Variants in RFFL observed in about 807,000 individuals in gnomAD.
The protein encoded by RFFL is E3 ubiquitin-protein ligase rififylin.
RFFL carries 16 observed loss-of-function variants against 40.4 expected under a neutral mutation model. That is an observed-to-expected ratio of 0.40 (90% CI 0.27 to 0.60). RFFL has a LOEUF of 0.60. Among genes scored for constraint, RFFL ranks in the 20% least tolerant of loss-of-function variants. The probability of loss-of-function intolerance (pLI) is 0.47; values close to 1 mark genes in which losing one functional copy is unlikely to be tolerated. For synonymous variants in RFFL, 154 were observed against 167.9 expected (o/e 0.92, Z 0.64); for missense variants, 367 against 451.7 (o/e 0.81, Z 1.70).
intron 1 of RFFL, among the ~76,000 whole-genome samples, chr17:35,085,368 A>G (rs2091424231): frequency 6.6e-6 from 1 of 152,228 alleles, no homozygotes; most frequent in African/African-American, 2.4e-5. Flanking sequence ...AGAGCAGGAA[A>G]AAACAGCTTT....
chr17:35,059,310 C>A (rs142272491), intron 1 of RFFL, among the ~76,000 whole-genome samples: 2 of 152,062 alleles, frequency 1.3e-5, no homozygotes, highest in Non-Finnish European at 2.9e-5. Context: ...TGAGCCACTG[C>A]GCTCGGCCAC....
chr17:35,014,959 G>A (rs889452324), intron 5 of RFFL, among the ~76,000 whole-genome samples, 196 bp from the exon 6 acceptor site: 1 of 152,060 alleles, frequency 6.6e-6, no homozygotes, highest in African/African-American at 2.4e-5. Context: ...TCGTGCATCT[G>A]GTCTACTTTT....
intron 1 of RFFL, among the ~76,000 whole-genome samples, chr17:35,072,566 T>TAC (rs138372161): frequency 0.022 from 3,267 of 147,304 alleles, 31 homozygotes; most frequent in African/African-American, 0.033. Flanking sequence ...AGCAGAAAAC[T>TAC]ACACACACAC....
Position 35,055,693 on chromosome 17 carries a change from C to A in RFFL, c.-9+7883G>T, listed in dbSNP as rs368705924. ...TCTCAAAAAAAAACAAACAAACAAA[C>A]AAACAAAAAAAAAACATTAATCAGG... On this transcript the variant is annotated intron_variant, in intron 1 of 6. Coordinates refer to ENST00000394597, the MANE Select transcript of RFFL (RefSeq NM_001017368.2). 3.7e-3 allele frequency among the ~76,000 whole-genome samples: 528 copies of A among 142,310 alleles called. 6 individuals carry two copies. The highest frequency in any genetic ancestry group is 0.014 in the African/African-American group (482 of 33,808). The allele number at this position is 142,310 out of a possible 152,430, so 93.4% of individuals were successfully genotyped here. A position where few individuals can be genotyped will look rare whatever the true frequency, so the allele number is the denominator to read the frequency against.
chr17:35,049,851 G>C (rs1360604334), intron 1 of RFFL, among the ~76,000 whole-genome samples: 1 of 152,020 alleles, frequency 6.6e-6, no homozygotes, highest in Non-Finnish European at 1.5e-5. Flanking sequence ...GGAGGCCGAG[G>C]TGGACTGATC....
At position 35,011,982 on chromosome 17, in the gene RFFL, C is replaced by A; in HGVS notation, c.1078G>T (p.Val360Phe). The change falls in exon 7 of 7, where the codon GTC becomes TTC. Residue 360 changes from valine (V) to phenylalanine (F), a missense_variant. By Grantham distance (50) the Val-to-Phe change is conservative. Coordinates refer to ENST00000394597, the MANE Select transcript of RFFL (RefSeq NM_001017368.2). The stretch of plus-strand genomic sequence containing the variant: ...GATGCAAGCTCTCAGGACCGGAAGA[C>A]ATGCACAGCTCGGATTACATACTGC... ...CRQYVIRAVHVFRS is the reference protein window; with the variant it reads ...CRQYVIRAVHFFRS 6.2e-7 allele frequency: 1 copy of A among 1,614,138 alleles called. No individual in the cohort carries two copies. Among genetic ancestry groups the A allele is most frequent in the Non-Finnish European group, 8.5e-7 (1 of 1,179,994 alleles).
At chr17:35,048,427 A>C (rs2091213194) in intron 1 of RFFL, among the ~76,000 whole-genome samples, 1 of 152,008 alleles carries the variant, frequency 6.6e-6, no homozygotes, top group South Asian at 2.1e-4. Flanking sequence ...TAATTAATTA[A>C]AAAAATAAAA....
At chr17:35,035,451 C>T (rs1158209202) in intron 1 of RFFL, among the ~76,000 whole-genome samples, 2 of 151,346 alleles carry the variant, frequency 1.3e-5, no homozygotes, top group Non-Finnish European at 2.9e-5. Context: ...CCACAGTCTC[C>T]AAGTTTAGGT....
At chr17:35,050,465 G>A (rs2058735643) in intron 1 of RFFL, among the ~76,000 whole-genome samples, 1 of 152,060 alleles carries the variant, frequency 6.6e-6, no homozygotes, top group Non-Finnish European at 1.5e-5. Flanking sequence ...GGGCTCAGGT[G>A]ATCCACCCAC....
intron 1 of RFFL, among the ~76,000 whole-genome samples, chr17:35,031,773 C>G (rs752244083): frequency 6.6e-5 from 10 of 150,916 alleles, no homozygotes; most frequent in Non-Finnish European, 1.2e-4. Context: ...CAACAGAAAA[C>G]AAGTAATATG....
intron 1 of RFFL, among the ~76,000 whole-genome samples, chr17:35,056,679 G>T (rs757975742): frequency 4.0e-5 from 6 of 151,054 alleles, no homozygotes; most frequent in African/African-American, 1.5e-4. Flanking sequence ...GCCCAGCCTG[G>T]TTCTACTTTT....
At chr17:35,070,654 T>C (rs1396802553) in intron 1 of RFFL, among the ~76,000 whole-genome samples, 1 of 152,176 alleles carries the variant, frequency 6.6e-6, no homozygotes. Context: ...TGGGCAGTAC[T>C]GTACTGGGAG....
At chr17:35,037,994 A>T (rs1333840155) in intron 1 of RFFL, among the ~76,000 whole-genome samples, 2 of 152,102 alleles carry the variant, frequency 1.3e-5, no homozygotes, top group African/African-American at 4.8e-5. Context: ...AAGGATAAAG[A>T]GCAACTGGAG....
At chr17:35,041,274 C>A (rs1284002841) in intron 1 of RFFL, among the ~76,000 whole-genome samples, 1 of 151,924 alleles carries the variant, frequency 6.6e-6, no homozygotes, top group African/African-American at 2.4e-5. Flanking sequence ...CAAGGCATCA[C>A]CCACTGCCCT....
intron 1 of RFFL, among the ~76,000 whole-genome samples, chr17:35,060,787 C>T (rs1011759675): frequency 2.0e-5 from 3 of 152,082 alleles, no homozygotes; most frequent in Non-Finnish European, 2.9e-5. Flanking sequence ...GGTTTGAGCC[C>T]GGAGATCCAC....
upstream of RFFL, among the ~76,000 whole-genome samples, chr17:35,065,573 A>G (rs1039822517): frequency 4.6e-5 from 7 of 152,126 alleles, no homozygotes; most frequent in East Asian, 3.9e-4. Flanking sequence ...AAAAAAAAAA[A>G]AAAAGAAAGA....
intron 1 of RFFL, among the ~76,000 whole-genome samples, chr17:35,058,749 T>C (rs2142365387): frequency 6.6e-6 from 1 of 152,012 alleles, no homozygotes; most frequent in South Asian, 2.1e-4. Flanking sequence ...CCAGCCTGGG[T>C]GACAGAGCGA....
At chr17:35,027,003 G>A (rs1406265118) in intron 1 of RFFL, among the ~76,000 whole-genome samples, 1 of 152,132 alleles carries the variant, frequency 6.6e-6, no homozygotes, top group African/African-American at 2.4e-5. Flanking sequence ...GCTGAGCTGG[G>A]GAAGACTATT....
chr17:35,044,781 C>T (rs1167014917), intron 1 of RFFL, among the ~76,000 whole-genome samples: 3 of 152,114 alleles, frequency 2.0e-5, no homozygotes, highest in Non-Finnish European at 4.4e-5. Context: ...TTCAGCTATT[C>T]TCTCAGCCTG....
Sources: gnomAD v4.1 joint callset for allele counts (sites outside exome capture counted in the v4.1 genomes callset) on GRCh38, gnomAD v4.1.1 for gene constraint, MANE v1.5 for transcripts, NCBI Gene and HGNC (gene_info 2026-07-23, HGNC 2026-07-21) for gene names.